FBXO33: variants seen among roughly 807,000 people sequenced by gnomAD.
The protein encoded by FBXO33 is F-box only protein 33.
A neutral mutation model predicts 46.3 loss-of-function variants in FBXO33; 22 were observed. That is an observed-to-expected ratio of 0.48 (90% confidence interval 0.34 to 0.68). The LOEUF is 0.68. Among genes scored for constraint, FBXO33 ranks in the 30% least tolerant of loss-of-function variants. The probability of loss-of-function intolerance (pLI) is 0.01; values close to 1 mark genes in which losing one functional copy is unlikely to be tolerated. For synonymous variants in FBXO33, 337 were observed against 291.3 expected, an observed-to-expected ratio of 1.16 and a Z score of -1.60; for missense variants, 692 against 708.8, an observed-to-expected ratio of 0.98 and a Z score of 0.27.
Position 39,410,884 on chromosome 14 carries a change from C to T in FBXO33, c.600-8373G>A, listed in dbSNP as rs79136233. 9.6e-4 allele frequency among the ~76,000 whole-genome samples: 146 copies of T among 152,180 alleles called. 1 individual carries two copies. The East Asian group carries it at 0.017, about 17-fold the overall frequency. ...ATCAGTTGTAATGTCTCCTCTTTCACTTCGAGTCTTTTTTCTTACTCTAAA... is the reference window on the plus strand; with the variant it reads ...ATCAGTTGTAATGTCTCCTCTTTCATTTCGAGTCTTTTTTCTTACTCTAAA... On this transcript the variant is annotated intron_variant, in intron 1 of 3. Transcript: ENST00000298097.
intron 1 of FBXO33, among the ~76,000 whole-genome samples, chr14:39,406,606 G>A (rs767823682): frequency 6.6e-6 from 1 of 152,192 alleles, no homozygotes; most frequent in Non-Finnish European, 1.5e-5. Context: ...GAATCGAGGA[G>A]ACAAGAGATT....
Position 39,432,056 on chromosome 14 carries a change from C to CGCAGCTGCT in FBXO33, c.98_106dup (p.Gln33_Leu35dup), listed in dbSNP as rs2075562382. On this transcript the variant is annotated inframe_insertion, in exon 1 of 4. Transcript: ENST00000298097. ...TACCCGGAGCAGCCCCCGCAGCCGT[C>CGCAGCTGCT]GCAGCTGCTGCAGCCGCAGCCGCCG... The CGCAGCTGCT allele has an allele frequency of 4.9e-6, 6 of 1,221,456 alleles. No individual in the cohort carries two copies. In the Admixed American group the frequency reaches 1.7e-4, roughly 34 times the overall value. The allele number at this position is 1,221,456 out of a possible 1,614,324, so 75.7% of individuals were successfully genotyped here. A position where few individuals can be genotyped will look rare whatever the true frequency, so the allele number is the denominator to read the frequency against.
intron 1 of FBXO33, among the ~76,000 whole-genome samples, chr14:39,429,609 TATC>T (rs1457851010): frequency 1.3e-5 from 2 of 152,254 alleles, no homozygotes; most frequent in Non-Finnish European, 2.9e-5. Flanking sequence ...CCCTTTGATG[TATC>T]ATTAGTACAA....
At position 39,398,678 on chromosome 14, in the gene FBXO33, C is replaced by T. The variant is rs990381857; in HGVS notation, c.*838G>A. 1.3e-5 allele frequency: 2 copies of T among 152,596 alleles called. No individual in the cohort carries two copies. 9.5% of individuals were successfully genotyped at this position (152,596 alleles called of 1,614,324 possible). On this transcript the variant is annotated 3_prime_UTR_variant, in exon 4 of 4. Coordinates refer to ENST00000298097, the MANE Select transcript of FBXO33 (RefSeq NM_203301.4). The stretch of plus-strand genomic sequence containing the variant: ...GACACGCGTGCTGACAGAGAAAAAT[C>T]CAGTGACTTGTTGCTAGGGATTTCA...
chr14:39,431,663 T>C lies in FBXO33; in HGVS notation c.500A>G (p.Glu167Gly). 1 of 1,613,230 alleles carries C rather than the reference T, an allele frequency of 6.2e-7. No individual in the cohort carries two copies. Among genetic ancestry groups the C allele is most frequent in the Non-Finnish European group, 8.5e-7 (1 of 1,179,954 alleles). The change falls in exon 1 of 4, where the codon GAG (glutamate) becomes GGG (glycine). Residue 167 changes from glutamate to glycine, a missense_variant. Coordinates refer to ENST00000298097, the MANE Select transcript of FBXO33 (RefSeq NM_203301.4). ...TGAGAGCTGCAGGGCCTCGACTTCCTCCCCTCCAGTCCCGGTGTCCGCGCC... is the reference window on the plus strand; with the variant it reads ...TGAGAGCTGCAGGGCCTCGACTTCCCCCCCTCCAGTCCCGGTGTCCGCGCC... ...GGGADTGTGG[E>G]EVEALQLSAR...
chr14:39,404,451 C>T (rs569988824), intron 1 of FBXO33, among the ~76,000 whole-genome samples: 30 of 152,128 alleles, frequency 2.0e-4, no homozygotes, highest in South Asian at 4.2e-4. Flanking sequence ...CTCAGCCTCC[C>T]GAGTAGCTGG....
Position 39,398,873 on chromosome 14 carries a change from C to G in FBXO33, c.*643G>C, listed in dbSNP as rs893517548. ...ATTATGTCAGATATAGTTAAAAAAT[C>G]CAACAATTTCAGTATTCGTGTTTAC... On this transcript the variant is annotated 3_prime_UTR_variant, in exon 4 of 4. Coordinates refer to ENST00000298097, the MANE Select transcript of FBXO33 (RefSeq NM_203301.4). 6.6e-6 allele frequency: 1 copy of G among 152,134 alleles called. No individual in the cohort carries two copies. The highest frequency in any genetic ancestry group is 2.4e-5 in the African/African-American group (1 of 41,406). The allele number at this position is 152,134 out of a possible 1,614,324, so 9.4% of individuals were successfully genotyped here.
At chr14:39,414,801 A>C (rs2075439717) in intron 1 of FBXO33, among the ~76,000 whole-genome samples, 1 of 152,128 alleles carries the variant, frequency 6.6e-6, no homozygotes, top group East Asian at 1.9e-4. Context: ...AGATGGGAAC[A>C]CAGGTGCACA....
chr14:39,417,678 G>A (rs139474870), intron 1 of FBXO33, among the ~76,000 whole-genome samples: 135 of 152,050 alleles, frequency 8.9e-4, no homozygotes, highest in African/African-American at 2.9e-3. Context: ...CCACAGGCAT[G>A]CACCACCATG....
intron 1 of FBXO33, among the ~76,000 whole-genome samples, chr14:39,403,771 T>C (rs995972140): frequency 6.6e-6 from 1 of 151,560 alleles, no homozygotes; most frequent in African/African-American, 2.4e-5. Flanking sequence ...ACAACAGTGA[T>C]ACAAGATTTA....
chr14:39,429,941 A>T (rs1034621479), intron 1 of FBXO33, among the ~76,000 whole-genome samples: 37 of 152,230 alleles, frequency 2.4e-4, no homozygotes, highest in Admixed American at 2.4e-3. Context: ...ACCAGTTATT[A>T]AAATACTTAA....
At chr14:39,428,279 C>G (rs1312199079) in intron 1 of FBXO33, among the ~76,000 whole-genome samples, 1 of 152,058 alleles carries the variant, frequency 6.6e-6, no homozygotes, top group African/African-American at 2.4e-5. Flanking sequence ...GATCTCTATT[C>G]ACTGCAACCT....
In FBXO33 at chr14:39,431,824, G is replaced by A. The variant is rs767067813; in HGVS notation, c.339C>T (p.Ile113=). Reference sequence around the variant, plus strand: ...GCTCCGCGGGCGAGACGCGGAGGCAGATGCGGAGCTGGGGCCACAGGGCCG... The same window carrying A: ...GCTCCGCGGGCGAGACGCGGAGGCAAATGCGGAGCTGGGGCCACAGGGCCG... The part of the protein sequence containing the change: ...FYPALWPQLR[I]CLRVSPAEQP... Residue 113 remains isoleucine, a synonymous_variant, in exon 1 of 4, where the codon ATC becomes ATT. Transcript: ENST00000298097. 30 of 1,609,194 alleles carry A rather than the reference G, an allele frequency of 1.9e-5. 1 individual carries two copies. In the Middle Eastern group the frequency reaches 4.9e-4, roughly 26 times the overall value.
intron 1 of FBXO33, among the ~76,000 whole-genome samples, chr14:39,411,277 A>G (rs980791109): frequency 6.6e-6 from 1 of 151,724 alleles, no homozygotes; most frequent in Non-Finnish European, 1.5e-5. Flanking sequence ...TTGTAGTAGT[A>G]GAGACAGGGT....
chr14:39,430,798 G>T (rs866713990), intron 1 of FBXO33, among the ~76,000 whole-genome samples: 1 of 152,160 alleles, frequency 6.6e-6, no homozygotes, highest in Non-Finnish European at 1.5e-5. Flanking sequence ...GGGATACTGG[G>T]TCAGAATATA....
chr14:39,410,038 G>T (rs1174922960), intron 1 of FBXO33, among the ~76,000 whole-genome samples: 1 of 151,546 alleles, frequency 6.6e-6, no homozygotes, highest in African/African-American at 2.4e-5. Flanking sequence ...TTCCCTAATT[G>T]CTCCGGCTAG....
In FBXO33 at chr14:39,432,150, A is replaced by G; in HGVS notation, c.13T>C (p.Leu5=). ...GGCGGTCGGGGCTGCGGCACTGACA[A>G]GAACAACAACATCAATGACTAGGAA... is the stretch of plus-strand genomic sequence containing the variant. The part of the protein sequence containing the change: MLLF[L]SVPQPRPPGA... The change falls in exon 1 of 4, where the codon TTG becomes CTG. Residue 5 remains leucine, a synonymous_variant. Coordinates refer to ENST00000298097, the MANE Select transcript of FBXO33 (RefSeq NM_203301.4). 1 of 1,236,660 alleles carries G rather than the reference A, an allele frequency of 8.1e-7. No homozygotes were observed. 76.6% of individuals were successfully genotyped at this position (1,236,660 alleles called of 1,614,324 possible). A position where few individuals can be genotyped will look rare whatever the true frequency, so the allele number is the denominator to read the frequency against.
rs1567080439 is a variant in FBXO33 at position 39,430,381 on chromosome 14, T to C, written c.599+1183A>G. On this transcript the variant is annotated intron_variant, in intron 1 of 3. Coordinates refer to ENST00000298097, the MANE Select transcript of FBXO33 (RefSeq NM_203301.4). ...CAGATTAATGGCGCATACATATATA[T>C]ATATAACCTTATATCTATATATATC... Among the ~76,000 whole-genome samples the C allele has an allele frequency of 2.6e-5, 4 of 152,162 alleles. No homozygotes were observed. In the South Asian group the frequency reaches 8.3e-4, roughly 32 times the overall value.
intron 1 of FBXO33, among the ~76,000 whole-genome samples, chr14:39,402,718 T>C (rs113990566): frequency 0.016 from 2,352 of 147,114 alleles, 73 homozygotes; most frequent in African/African-American, 0.056. Context: ...AGTCTTGCTC[T>C]GTCACCCAGG....
Sources: allele counts gnomAD v4.1 joint callset (sites outside exome capture counted in the v4.1 genomes callset), GRCh38; gene constraint gnomAD v4.1.1; transcripts MANE v1.5; gene names NCBI Gene and HGNC (gene_info 2026-07-23, HGNC 2026-07-21).